The following ASTN2 variants were observed in gnomAD, a reference collection of about 807,000 sequenced individuals.
ASTN2 encodes the protein astrotactin 2, also known as astrotactin-2.
In ASTN2, 54 loss-of-function variants were observed where a neutral mutation model predicts 139.8. The observed-to-expected ratio is 0.39, with a 90% CI of 0.31 to 0.48. The LOEUF (loss-of-function observed/expected upper bound fraction) is 0.48. Ranked by LOEUF, ASTN2 falls within the 20% of genes least tolerant of loss-of-function variation. The pLI, the probability that ASTN2 is intolerant of heterozygous loss-of-function variation, is 0.95. For missense variants in ASTN2, 1,565 were observed against 1,725.1 expected, an observed-to-expected ratio of 0.91 and a Z score of 1.64; for synonymous variants, 756 against 719.5, an observed-to-expected ratio of 1.05 and a Z score of -0.81.
intron 2 of ASTN2, among the ~76,000 whole-genome samples, chr9:117,224,067 G>C (rs1832620408): frequency 6.6e-6 from 1 of 152,186 alleles, no homozygotes; most frequent in Non-Finnish European, 1.5e-5. Context: ...AAAATCCTGG[G>C]AGAACATACT....
chr9:116,797,322 A>C (rs749497197), intron 13 of ASTN2, among the ~76,000 whole-genome samples: 6 of 152,238 alleles, frequency 3.9e-5, no homozygotes, highest in Non-Finnish European at 8.8e-5. Flanking sequence ...TCCAGCCCCT[A>C]TGCTACACCC....
intron 3 of ASTN2, among the ~76,000 whole-genome samples, chr9:117,211,223 G>A (rs1832115382): frequency 6.6e-6 from 1 of 152,106 alleles, no homozygotes; most frequent in Non-Finnish European, 1.5e-5. Flanking sequence ...AATTGGAAAG[G>A]AGGAAGTCAA....
chr9:116,943,860 GTTTGT>G (rs896779718), intron 10 of ASTN2, among the ~76,000 whole-genome samples: 1 of 151,952 alleles, frequency 6.6e-6, no homozygotes, highest in Non-Finnish European at 1.5e-5. Context: ...TTGCCTCTTT[GTTTGT>G]TTTAAGAACT....
chr9:117,149,593 T>A (rs1227282907), intron 3 of ASTN2, among the ~76,000 whole-genome samples: 1 of 152,018 alleles, frequency 6.6e-6, no homozygotes, highest in East Asian at 1.9e-4. Flanking sequence ...AGTCCTAAGG[T>A]ACACCTAAGC....
rs143460518 is a variant in ASTN2, at chr9:117,407,624, G to T, written c.442+6873C>A. 4.0e-3 allele frequency among the ~76,000 whole-genome samples: 605 copies of T among 152,318 alleles called. 5 individuals carry two copies. The highest frequency in any genetic ancestry group is 0.016 in the South Asian group (78 of 4,826). On this transcript the variant is annotated intron_variant, in intron 1 of 22. Coordinates refer to ENST00000313400, the MANE Select transcript of ASTN2 (RefSeq NM_001365068.1). ...TCAGTTTTGAATCTTGCATTGTGTA[G>T]TCATCACCCACTCCTTTTCCATTCA...
chr9:116,945,427 C>A (rs913701439), intron 10 of ASTN2, among the ~76,000 whole-genome samples: 3 of 152,096 alleles, frequency 2.0e-5, no homozygotes, highest in Non-Finnish European at 4.4e-5. Context: ...GCCTTTTAAC[C>A]TAAAGGCTAT....
At chr9:116,979,631 A>G (rs1307822762) in intron 7 of ASTN2, among the ~76,000 whole-genome samples, 1 of 152,158 alleles carries the variant, frequency 6.6e-6, no homozygotes, top group African/African-American at 2.4e-5. Flanking sequence ...TTTGTCCTCC[A>G]GACTCCCAGG....
At chr9:116,503,872 G>C (rs187706891) in intron 19 of ASTN2, among the ~76,000 whole-genome samples, 1 of 152,232 alleles carries the variant, frequency 6.6e-6, no homozygotes, top group East Asian at 1.9e-4. Context: ...CCAGTTTACA[G>C]GTACCTGTGG....
intron 3 of ASTN2, among the ~76,000 whole-genome samples, chr9:117,165,179 C>T (rs186864337): frequency 6.6e-6 from 1 of 152,038 alleles, no homozygotes; most frequent in Non-Finnish European, 1.5e-5. Flanking sequence ...CCTATTCCAT[C>T]CCTCTCCCGC....
intron 3 of ASTN2, among the ~76,000 whole-genome samples, chr9:117,151,697 T>C (rs139100037): frequency 1.3e-4 from 20 of 152,126 alleles, no homozygotes; most frequent in Admixed American, 5.2e-4. Context: ...AGAAAGAGTA[T>C]TATGAGCAAG....
chr9:116,793,436 A>G (rs1830608064), intron 13 of ASTN2, among the ~76,000 whole-genome samples: 1 of 152,204 alleles, frequency 6.6e-6, no homozygotes, highest in African/African-American at 2.4e-5. Flanking sequence ...AAAATATGGT[A>G]TGCCTGAAAC....
chr9:117,080,088 A>G (rs1828387009), intron 5 of ASTN2, among the ~76,000 whole-genome samples: 1 of 152,226 alleles, frequency 6.6e-6, no homozygotes, highest in African/African-American at 2.4e-5. Flanking sequence ...ACTGCACATT[A>G]AACTACCTCC....
At chr9:116,973,858 T>A (rs1238696854) in intron 10 of ASTN2, among the ~76,000 whole-genome samples, 1 of 152,226 alleles carries the variant, frequency 6.6e-6, no homozygotes, top group Admixed American at 6.5e-5. Flanking sequence ...TTTTAAAACA[T>A]CCTCTTTTGG....
intron 1 of ASTN2, among the ~76,000 whole-genome samples, chr9:117,401,292 T>C (rs1372054490): frequency 6.6e-6 from 1 of 152,172 alleles, no homozygotes; most frequent in Non-Finnish European, 1.5e-5. Context: ...ACACACTCCC[T>C]GCCTCCAAAT....
At chr9:116,883,343 G>A (rs976468387) in intron 10 of ASTN2, among the ~76,000 whole-genome samples, 7 of 152,278 alleles carry the variant, frequency 4.6e-5, no homozygotes, top group South Asian at 4.1e-4. Context: ...GATATTTTAA[G>A]GAAGAGGTAG....
intron 13 of ASTN2, among the ~76,000 whole-genome samples, chr9:116,763,473 A>C (rs750188469): frequency 1.4e-4 from 22 of 152,086 alleles, no homozygotes; most frequent in Non-Finnish European, 2.5e-4. Flanking sequence ...AAATACCCAA[A>C]ACTTCTTCTC....
chr9:117,082,844 G>A (rs1005836452), intron 5 of ASTN2, among the ~76,000 whole-genome samples: 2 of 152,072 alleles, frequency 1.3e-5, no homozygotes, highest in African/African-American at 2.4e-5. Context: ...TCATAGACTC[G>A]TCATTTCATG....
chr9:116,563,380 A>T (rs76248879), intron 19 of ASTN2, among the ~76,000 whole-genome samples: 83 of 105,230 alleles, frequency 7.9e-4, no homozygotes, highest in African/African-American at 1.2e-3. Context: ...GTCTCAAAAA[A>T]ATAAAAATAA....
chr9:116,990,934 C>T (rs558480203), intron 7 of ASTN2, among the ~76,000 whole-genome samples: 1 of 152,268 alleles, frequency 6.6e-6, no homozygotes, highest in East Asian at 1.9e-4. Flanking sequence ...GTCACCTGAA[C>T]TTACCTGAGT....
Sources: allele counts gnomAD v4.1 joint callset (sites outside exome capture counted in the v4.1 genomes callset), GRCh38; gene constraint gnomAD v4.1.1; transcripts MANE v1.5; gene names NCBI Gene and HGNC (gene_info 2026-07-23, HGNC 2026-07-21).